The following SLC44A5 variants were observed in gnomAD, a reference collection of about 807,000 sequenced individuals.
The protein encoded by SLC44A5 is choline transporter-like protein 5.
SLC44A5 carries 57 observed loss-of-function variants against 101.8 expected under a neutral mutation model. The observed-to-expected ratio is 0.56, with a 90% CI of 0.45 to 0.70. The LOEUF is 0.70. Among genes scored for constraint, SLC44A5 ranks in the 30% least tolerant of loss-of-function variants. The probability of loss-of-function intolerance (pLI) is 0.00; values close to 1 mark genes in which losing one functional copy is unlikely to be tolerated. For synonymous variants in SLC44A5, 281 were observed against 290.9 expected (o/e 0.97, Z 0.35); for missense variants, 737 against 853.1 (o/e 0.86, Z 1.70).
chr1:75,204,789 A>G (rs566011502), intron 23 of SLC44A5: 1 of 152,208 alleles, frequency 6.6e-6, no homozygotes, highest in East Asian at 1.9e-4. Flanking sequence ...CACATGGCCA[A>G]TTTTTCAACT....
intron 2 of SLC44A5, among the ~76,000 whole-genome samples, chr1:75,466,516 C>T (rs1012152829): frequency 6.6e-6 from 1 of 151,740 alleles, no homozygotes; most frequent in Non-Finnish European, 1.5e-5. Flanking sequence ...GTTAGCTGGG[C>T]GTGGTGGCAG....
intron 2 of SLC44A5, among the ~76,000 whole-genome samples, chr1:75,481,616 A>G (rs1282636432): frequency 6.6e-6 from 1 of 152,006 alleles, no homozygotes; most frequent in Non-Finnish European, 1.5e-5. Flanking sequence ...ACACTTCTCA[A>G]AAGAAGACAT....
chr1:75,402,879 A>T (rs1194424782), intron 2 of SLC44A5, among the ~76,000 whole-genome samples: 1 of 152,176 alleles, frequency 6.6e-6, no homozygotes, highest in African/African-American at 2.4e-5. Flanking sequence ...TGCTGAAGCC[A>T]GGGAGCCAAG....
At chr1:75,209,413 T>C (rs1646810550) in intron 23 of SLC44A5, among the ~76,000 whole-genome samples, 1 of 152,174 alleles carries the variant, frequency 6.6e-6, no homozygotes, top group African/African-American at 2.4e-5. Context: ...CTTTGAGCAT[T>C]CTAGAGCCCT....
chr1:75,319,183 A>G (rs1313312992), intron 4 of SLC44A5, among the ~76,000 whole-genome samples: 1 of 152,196 alleles, frequency 6.6e-6, no homozygotes, highest in African/African-American at 2.4e-5. Context: ...GCTTTGCGAT[A>G]CATTAATATT....
At chr1:75,307,413 TTCCCAC>T (rs1384003251) in intron 4 of SLC44A5, among the ~76,000 whole-genome samples, 78 of 152,306 alleles carry the variant, frequency 5.1e-4, no homozygotes, top group African/African-American at 1.9e-3. Context: ...AATGCTTCAC[TTCCCAC>T]AGGCTTTATT....
At chr1:75,472,554 T>C (rs1299484305) in intron 2 of SLC44A5, among the ~76,000 whole-genome samples, 1 of 152,224 alleles carries the variant, frequency 6.6e-6, no homozygotes, top group Non-Finnish European at 1.5e-5. Context: ...CGCTGTGAAG[T>C]GAGATATCAG....
the SLC44A5 span, among the ~76,000 whole-genome samples, chr1:75,661,484 C>T: frequency 6.9e-6 from 1 of 144,054 alleles, no homozygotes; most frequent in Non-Finnish European, 1.5e-5. Context: ...AAAGCACAGG[C>T]AACAAAAGCA....
Position 75,263,100 on chromosome 1 carries a change from C to T in SLC44A5, c.261-11806G>A, listed in dbSNP as rs545011997. 2.2e-3 allele frequency among the ~76,000 whole-genome samples: 340 copies of T among 152,150 alleles called. 1 individual carries two copies. Among genetic ancestry groups the T allele is most frequent in the African/African-American group, 7.8e-3 (325 of 41,546 alleles). On this transcript the variant is annotated intron_variant, in intron 6 of 23. Transcript: ENST00000370859. ...GGACTTCATGACTAAAACATGAAAG[C>T]AATGGCAACAAAAGCCAAAATTGAC...
intron 7 of SLC44A5, among the ~76,000 whole-genome samples, chr1:75,248,013 G>C (rs774024884): frequency 1.3e-5 from 2 of 152,050 alleles, no homozygotes; most frequent in Non-Finnish European, 2.9e-5. Flanking sequence ...AATAACAGTA[G>C]TGAACAAAAC....
At chr1:75,488,541 T>C (rs559926208) in intron 2 of SLC44A5, among the ~76,000 whole-genome samples, 1 of 152,324 alleles carries the variant, frequency 6.6e-6, no homozygotes, top group Non-Finnish European at 1.5e-5. Context: ...CTGAGTTAAT[T>C]TGTGTCTGAA....
chr1:75,219,691 T>C, intron 15 of SLC44A5, 109 bp downstream of exon 15: 1 of 689,162 alleles, frequency 1.5e-6, no homozygotes, highest in Non-Finnish European at 2.5e-6. Flanking sequence ...TAGTTATTTC[T>C]TAGTACATTC....
rs1440563764 is a variant in SLC44A5 at position 75,508,555 on chromosome 1, C to CA, written c.13+32879dup. Among the ~76,000 whole-genome samples the CA allele has an allele frequency of 8.6e-5, 13 of 151,760 alleles. No individual in the cohort carries two copies. In the East Asian group the frequency reaches 2.5e-3, roughly 29 times the overall value. Reference sequence around the variant, plus strand: ...CAAAAATCCATATAATTAATAAAATCAAAAGTTGGTTCTTTAAAAGGATAA... The same window carrying CA: ...CAAAAATCCATATAATTAATAAAATCAAAAAGTTGGTTCTTTAAAAGGATAA... On this transcript the variant is annotated intron_variant, in intron 2 of 23. Transcript: ENST00000370859.
At chr1:75,368,823 T>C (rs528081902) in intron 3 of SLC44A5, among the ~76,000 whole-genome samples, 14 of 152,338 alleles carry the variant, frequency 9.2e-5, no homozygotes, top group Non-Finnish European at 1.6e-4. Context: ...TTCACTTCTG[T>C]CATGATCTAT....
the SLC44A5 span, among the ~76,000 whole-genome samples, chr1:75,633,744 C>A: frequency 1.3e-5 from 2 of 151,884 alleles, no homozygotes; most frequent in Non-Finnish European, 2.9e-5. Context: ...CTGGCCAGAA[C>A]TTCCAACACT....
At chr1:75,619,614 T>C in the SLC44A5 span, among the ~76,000 whole-genome samples, 11 of 152,112 alleles carry the variant, frequency 7.2e-5, no homozygotes, top group Non-Finnish European at 1.5e-4. Context: ...CTGCCAATAA[T>C]ATGTAGACTA....
chr1:75,229,624 A>G (rs549234714), intron 12 of SLC44A5, among the ~76,000 whole-genome samples: 42 of 152,254 alleles, frequency 2.8e-4, no homozygotes, highest in African/African-American at 9.4e-4. Context: ...TCCTTGCCCT[A>G]CCATGGCATT....
intron 2 of SLC44A5, among the ~76,000 whole-genome samples, chr1:75,407,880 G>A (rs940676553): frequency 6.6e-6 from 1 of 152,114 alleles, no homozygotes; most frequent in African/African-American, 2.4e-5. Context: ...TCAAACTAAA[G>A]AGTTTCTGCA....
chr1:75,322,641 A>G (rs1656253671), intron 4 of SLC44A5, among the ~76,000 whole-genome samples: 2 of 152,170 alleles, frequency 1.3e-5, no homozygotes, highest in Admixed American at 1.3e-4. Flanking sequence ...CTCAACTTCC[A>G]TTATCCTTTT....
Sources: allele counts gnomAD v4.1 joint callset (sites outside exome capture counted in the v4.1 genomes callset), GRCh38; gene constraint gnomAD v4.1.1; transcripts MANE v1.5; gene names NCBI Gene and HGNC (gene_info 2026-07-23, HGNC 2026-07-21).